LARS2: variants seen among roughly 807,000 people sequenced by gnomAD.
The protein encoded by LARS2 is leucyl-tRNA synthetase 2, mitochondrial, also known as leucine--tRNA ligase, mitochondrial.
A neutral mutation model predicts 116.6 loss-of-function variants in LARS2; 81 were observed. That is an observed-to-expected ratio of 0.69 (90% CI 0.58 to 0.84). LARS2 has a LOEUF of 0.84. Among genes scored for constraint, LARS2 ranks in the 40% least tolerant of loss-of-function variants. LARS2 has a pLI of 0.00. For missense variants in LARS2, 968 were observed against 1,114.5 expected (o/e 0.87, Z 1.87); for synonymous variants, 396 against 407.2 (o/e 0.97, Z 0.33).
At chr3:45,487,901 C>G (rs535978695) in intron 11 of LARS2, among the ~76,000 whole-genome samples, 23 of 152,264 alleles carry the variant, frequency 1.5e-4, no homozygotes, top group Non-Finnish European at 3.4e-4. Flanking sequence ...GAATAAATGT[C>G]TACTTAGAAT....
At chr3:45,485,366 T>C (rs994730615) in intron 10 of LARS2, among the ~76,000 whole-genome samples, 12 of 152,234 alleles carry the variant, frequency 7.9e-5, no homozygotes, top group Non-Finnish European at 1.0e-4. Context: ...AGATGGACTT[T>C]GTGTTTCTCA....
At chr3:45,516,402 G>A (rs1242482622) in intron 17 of LARS2, 126 bp downstream of exon 17, 2 of 858,868 alleles carry the variant, frequency 2.3e-6, no homozygotes, top group Non-Finnish European at 3.6e-6. Context: ...GTTCCATAGA[G>A]CAAGTAGCAG....
Position 45,471,985 on chromosome 3 carries a change from CTT to C in LARS2, c.751-2255_751-2254del, listed in dbSNP as rs1575276027. Among the ~76,000 whole-genome samples the C allele has an allele frequency of 5.9e-5, 9 of 152,184 alleles. 2 individuals carry two copies. The highest frequency in any genetic ancestry group is 5.9e-4 in the Admixed American group (9 of 15,286). On this transcript the variant is annotated intron_variant, in intron 8 of 21. Transcript: ENST00000645846. ...ATATATATGTATCAGGATGTTGAAA[CTT>C]TTATAATCCATTGATGTTAGTTAGG...
intron 7 of LARS2, among the ~76,000 whole-genome samples, chr3:45,447,527 G>A (rs1699042277): frequency 8.1e-6 from 1 of 124,086 alleles, no homozygotes; most frequent in African/African-American, 2.5e-5. Context: ...GATGAGTTCA[G>A]CCAAATTCTC....
At chr3:45,393,939 T>A (rs1283049702) in intron 2 of LARS2, among the ~76,000 whole-genome samples, 3 of 152,268 alleles carry the variant, frequency 2.0e-5, no homozygotes, top group Non-Finnish European at 2.9e-5. Flanking sequence ...TATATTTAAC[T>A]CATAATATGT....
rs537392903 is a variant in LARS2 at position 45,458,328 on chromosome 3, C to T, written c.607-415C>T. On this transcript the variant is annotated intron_variant, in intron 7 of 21. Coordinates refer to ENST00000645846, the MANE Select transcript of LARS2 (RefSeq NM_015340.4). Reference sequence around the variant, plus strand: ...AGTGGTTTCTTTACCAAGCAGTACTCCACGGAGCAGAGTCATTGCATTTGC... The same window carrying T: ...AGTGGTTTCTTTACCAAGCAGTACTTCACGGAGCAGAGTCATTGCATTTGC... Among the ~76,000 whole-genome samples the T allele has an allele frequency of 1.6e-3, 240 of 152,238 alleles. 2 individuals carry two copies. Among genetic ancestry groups the T allele is most frequent in the Non-Finnish European group, 2.9e-3 (198 of 68,020 alleles).
chr3:45,510,183 C>T (rs1183380363), intron 15 of LARS2, among the ~76,000 whole-genome samples: 1 of 152,022 alleles, frequency 6.6e-6, no homozygotes, highest in Non-Finnish European at 1.5e-5. Flanking sequence ...GAGGCCGAGG[C>T]AGGAGGATTG....
chr3:45,448,577 A>G (rs1414426049), intron 7 of LARS2, among the ~76,000 whole-genome samples: 1 of 152,098 alleles, frequency 6.6e-6, no homozygotes, highest in African/African-American at 2.4e-5. Context: ...CCCCGAACAG[A>G]GATTTACCCA....
intron 4 of LARS2, among the ~76,000 whole-genome samples, chr3:45,405,736 A>G (rs550890322): frequency 6.6e-6 from 1 of 152,338 alleles, no homozygotes; most frequent in South Asian, 2.1e-4. Flanking sequence ...CCCAAATCTC[A>G]GTGGCTTAAA....
chr3:45,444,537 G>A (rs1371136387), intron 6 of LARS2, among the ~76,000 whole-genome samples: 2 of 143,736 alleles, frequency 1.4e-5, no homozygotes, highest in Non-Finnish European at 3.1e-5. Flanking sequence ...AGTGGCGGGC[G>A]CCTGTAGTCC....
intron 13 of LARS2, 34 bp downstream of exon 13, chr3:45,491,834 C>A (rs769184352): frequency 1.3e-6 from 2 of 1,592,944 alleles, no homozygotes; most frequent in South Asian, 2.2e-5. Flanking sequence ...GGTGACTGTG[C>A]CTATGGCCCC....
chr3:45,524,866 C>T (rs1035555981), intron 20 of LARS2, among the ~76,000 whole-genome samples: 2 of 152,144 alleles, frequency 1.3e-5, no homozygotes, highest in Non-Finnish European at 2.9e-5. Context: ...GTTGAGCAAA[C>T]CACGAGTCTC....
intron 6 of LARS2, among the ~76,000 whole-genome samples, chr3:45,436,556 A>G (rs2125697895): frequency 6.6e-6 from 1 of 152,114 alleles, no homozygotes; most frequent in African/African-American, 2.4e-5. Context: ...GCACTTTGGG[A>G]GGCCGAGGCG....
intron 20 of LARS2, 24 bp downstream of exon 20, chr3:45,524,132 A>G: frequency 7.0e-7 from 1 of 1,421,312 alleles, no homozygotes; most frequent in Non-Finnish European, 9.9e-7. Context: ...TCCTTTTTTG[A>G]CCAGTTACTA....
chr3:45,414,975 G>A (rs1012810173), intron 4 of LARS2, among the ~76,000 whole-genome samples: 1 of 152,174 alleles, frequency 6.6e-6, no homozygotes, highest in African/African-American at 2.4e-5. Flanking sequence ...TCCTGACAGG[G>A]GCAGGGAGCC....
chr3:45,544,750 T>C (rs1387132431), intron 21 of LARS2, among the ~76,000 whole-genome samples: 1 of 152,158 alleles, frequency 6.6e-6, no homozygotes, highest in Non-Finnish European at 1.5e-5. Context: ...CGTTGCCACT[T>C]CTGGCAGTTG....
chr3:45,545,995 A>C (rs185938692), intron 21 of LARS2, among the ~76,000 whole-genome samples: 3 of 150,776 alleles, frequency 2.0e-5, no homozygotes, highest in Non-Finnish European at 2.9e-5. Flanking sequence ...AAGATCCCAC[A>C]GCTTGTAAGA....
chr3:45,394,491 C>G lies in LARS2; in HGVS notation c.38C>G (p.Ser13Cys), dbSNP rs754363894. The change falls in exon 3 of 22, where the codon TCT becomes TGT. Residue 13 changes from serine to cysteine, a missense_variant. Ser to Cys is a moderately radical substitution (Grantham distance 112, BLOSUM62 -1). Transcript: ENST00000645846. The part of the protein sequence containing the change: ...SVWQRLGFYA[S>C]LLKRQLNGGP... ...TGGCAGAGATTGGGTTTTTATGCCT[C>G]TCTTCTGAAAAGACAGCTAAATGGT... is the stretch of plus-strand genomic sequence containing the variant. 3 of 1,614,092 alleles carry G rather than the reference C, an allele frequency of 1.9e-6. No individual in the cohort carries two copies. Among genetic ancestry groups the G allele is most frequent in the East Asian group, 2.2e-5 (1 of 44,874 alleles).
chr3:45,494,301 G>T (rs536106748), intron 13 of LARS2, among the ~76,000 whole-genome samples: 1 of 152,280 alleles, frequency 6.6e-6, no homozygotes, highest in South Asian at 2.1e-4. Context: ...GGTAATATTT[G>T]TAAAGCTGGT....
Sources: gnomAD v4.1 joint callset for allele counts (sites outside exome capture counted in the v4.1 genomes callset) on GRCh38, gnomAD v4.1.1 for gene constraint, MANE v1.5 for transcripts, NCBI Gene and HGNC (gene_info 2026-07-23, HGNC 2026-07-21) for gene names.